The following ADAMTS19 variants were observed in gnomAD, a reference collection of about 807,000 sequenced individuals.
The protein encoded by ADAMTS19 is ADAM metallopeptidase with thrombospondin type 1 motif 19, also known as A disintegrin and metalloproteinase with thrombospondin motifs 19.
In ADAMTS19, 93 loss-of-function variants were observed where a neutral mutation model predicts 153.3. The ratio of observed to expected loss-of-function variants is 0.61; its 90% CI spans 0.51 to 0.72. The LOEUF (loss-of-function observed/expected upper bound fraction) is 0.72. ADAMTS19 is among the 30% of genes least tolerant of loss of function. The pLI is 0.00. For missense variants in ADAMTS19, 1,482 were observed against 1,552.1 expected (o/e 0.95, Z 0.76); for synonymous variants, 600 against 556.6 (o/e 1.08, Z -1.10).
At chr5:129,490,384 A>T (rs944865979) in intron 2 of ADAMTS19, among the ~76,000 whole-genome samples, 1 of 152,140 alleles carries the variant, frequency 6.6e-6, no homozygotes, top group African/African-American at 2.4e-5. Context: ...CCAATTTCCT[A>T]TGTGGCTTTT....
chr5:129,535,809 G>A (rs1207065698), intron 6 of ADAMTS19, among the ~76,000 whole-genome samples: 1 of 152,122 alleles, frequency 6.6e-6, no homozygotes, highest in Non-Finnish European at 1.5e-5. Context: ...CAAGCAATGG[G>A]GAAAGGATTC....
At position 129,647,944 on chromosome 5, in the gene ADAMTS19, T is replaced by G. The variant is rs755425974; in HGVS notation, c.2003+49T>G. On this transcript the variant is annotated intron_variant, in intron 12 of 22. Coordinates refer to ENST00000274487, the MANE Select transcript of ADAMTS19 (RefSeq NM_133638.6). Reference sequence around the variant, plus strand: ...GGGAGGGCACTTTTCAATTTTGGAATGCAAAGGTTTTACTGATAAAGCATG... The same window carrying G: ...GGGAGGGCACTTTTCAATTTTGGAAGGCAAAGGTTTTACTGATAAAGCATG... The G allele has an allele frequency of 1.9e-6, 3 of 1,578,652 alleles. No homozygotes were observed. The South Asian group carries it at 3.5e-5, about 18-fold the overall frequency.
intron 18 of ADAMTS19, among the ~76,000 whole-genome samples, chr5:129,685,404 T>C (rs751514513): frequency 1.6e-4 from 25 of 152,002 alleles, no homozygotes; most frequent in Non-Finnish European, 3.5e-4. Context: ...ACAATGCTCT[T>C]CTGTATGGCA....
intron 16 of ADAMTS19, among the ~76,000 whole-genome samples, chr5:129,677,036 A>T (rs1036985401): frequency 6.6e-6 from 1 of 152,262 alleles, no homozygotes; most frequent in Admixed American, 6.5e-5. Context: ...GGCCAAAAAG[A>T]TTCCTCAAAA....
rs62400985 is a variant in ADAMTS19 at position 129,717,647 on chromosome 5, G to C, written c.3312+13256G>C. ...GTGTCGTCTTGAATCCGTTTGGCTG[G>C]AATACCCACCATCAGGTTAGATAGC... On this transcript the variant is annotated intron_variant, in intron 21 of 22. Transcript: ENST00000274487. 1.5e-3 allele frequency among the ~76,000 whole-genome samples: 233 copies of C among 152,292 alleles called. 1 individual carries two copies. The highest frequency in any genetic ancestry group is 2.9e-3 in the Admixed American group (45 of 15,294).
At chr5:129,655,398 A>G (rs1177702792) in intron 14 of ADAMTS19, among the ~76,000 whole-genome samples, 1 of 152,254 alleles carries the variant, frequency 6.6e-6, no homozygotes, top group African/African-American at 2.4e-5. Flanking sequence ...TAAACCTTCC[A>G]GAAGCAGGAA....
chr5:129,620,840 A>C, intron 9 of ADAMTS19, 82 bp downstream of exon 9: 2 of 1,445,172 alleles, frequency 1.4e-6, no homozygotes, highest in Non-Finnish European at 1.9e-6. Flanking sequence ...CCAGTGTGGC[A>C]AAGTGGAAAG....
intron 21 of ADAMTS19, among the ~76,000 whole-genome samples, chr5:129,726,700 T>C (rs182051801): frequency 2.8e-4 from 42 of 152,212 alleles, no homozygotes; most frequent in African/African-American, 9.4e-4. Flanking sequence ...TAACATTATA[T>C]CTGGAATCAA....
chr5:129,531,357 G>A (rs915507756), intron 6 of ADAMTS19, among the ~76,000 whole-genome samples: 2 of 152,070 alleles, frequency 1.3e-5, no homozygotes, highest in African/African-American at 4.8e-5. Flanking sequence ...AGGTGTGGTG[G>A]CTCACACCTG....
chr5:129,596,385 T>C (rs898947668), intron 7 of ADAMTS19, among the ~76,000 whole-genome samples, 174 bp from the exon 8 acceptor site: 1 of 152,112 alleles, frequency 6.6e-6, no homozygotes, highest in Non-Finnish European at 1.5e-5. Flanking sequence ...TTTTTTTGCC[T>C]GGCCTATACA....
rs1158351034 is a variant in ADAMTS19, at chr5:129,550,437, T to C, written c.1329-1427T>C. On this transcript the variant is annotated intron_variant, in intron 6 of 22. Transcript: ENST00000274487. Reference sequence around the variant, plus strand: ...ATATACATATACATGTATCTGTATATGTATGTATCTAGATATACATATACA... The same window carrying C: ...ATATACATATACATGTATCTGTATACGTATGTATCTAGATATACATATACA... 4.7e-4 allele frequency among the ~76,000 whole-genome samples: 61 copies of C among 130,200 alleles called. 1 individual carries two copies. The highest frequency in any genetic ancestry group is 1.7e-3 in the African/African-American group (59 of 35,186). 85.4% of individuals were successfully genotyped at this position (130,200 alleles called of 152,430 possible). A position where few individuals can be genotyped will look rare whatever the true frequency, so the allele number is the denominator to read the frequency against.
At position 129,668,816 on chromosome 5, in the gene ADAMTS19, A is replaced by T. The variant is rs114419767; in HGVS notation, c.2506+3237A>T. ...ACAGCTATTTTTAAGTGTCAAGTTC[A>T]GTTAATTCAGTGGCATTAAGTACAT... On this transcript the variant is annotated intron_variant, in intron 16 of 22. Coordinates refer to ENST00000274487, the MANE Select transcript of ADAMTS19 (RefSeq NM_133638.6). Among the ~76,000 whole-genome samples the T allele has an allele frequency of 5.6e-3, 847 of 152,282 alleles. 7 individuals are homozygous for T. Among genetic ancestry groups the T allele is most frequent in the African/African-American group, 0.019 (808 of 41,566 alleles).
In ADAMTS19 at chr5:129,526,321, T is replaced by C. The variant is rs750780915; in HGVS notation, c.951T>C (p.Ser317=). 3 of 1,594,954 alleles carry C rather than the reference T, an allele frequency of 1.9e-6. No homozygotes were observed. The highest frequency in any genetic ancestry group is 2.6e-6 in the Non-Finnish European group (3 of 1,172,894). ...GRPRSRKIAE[S]GRGKRYSYKL... Reference sequence around the variant, plus strand: ...CTAGGTCTAGAAAAATAGCAGAAAGTGGAAGAGGGAAACGATATTCATACA... The same window carrying C: ...CTAGGTCTAGAAAAATAGCAGAAAGCGGAAGAGGGAAACGATATTCATACA... The change falls in exon 4 of 23, where the codon AGT becomes AGC. Residue 317 remains serine, a synonymous_variant. Transcript: ENST00000274487.
intron 11 of ADAMTS19, among the ~76,000 whole-genome samples, chr5:129,645,885 ATTTTTT>A (rs529444004): frequency 2.1e-5 from 2 of 97,100 alleles, no homozygotes; most frequent in East Asian, 3.5e-4. Flanking sequence ...TCCTTTTCCA[ATTTTTT>A]TTTTTTTTTT....
intron 2 of ADAMTS19, among the ~76,000 whole-genome samples, chr5:129,478,329 T>C (rs1750293304): frequency 1.3e-5 from 2 of 152,218 alleles, no homozygotes; most frequent in African/African-American, 2.4e-5. Context: ...TTGCACATGC[T>C]TATTTTATCT....
Position 129,668,477 on chromosome 5 carries a change from C to T in ADAMTS19, c.2506+2898C>T, listed in dbSNP as rs115792140. On this transcript the variant is annotated intron_variant, in intron 16 of 22. Coordinates refer to ENST00000274487, the MANE Select transcript of ADAMTS19 (RefSeq NM_133638.6). ...CTTTAAGGGCTCATTTCCTGATTTA[C>T]AGATGGCATCTTCTTGCTATGTCCT... Among the ~76,000 whole-genome samples the T allele has an allele frequency of 5.1e-3, 774 of 152,254 alleles. 5 individuals are homozygous for T. Among genetic ancestry groups the T allele is most frequent in the Non-Finnish European group, 8.1e-3 (549 of 68,008 alleles).
intron 8 of ADAMTS19, among the ~76,000 whole-genome samples, chr5:129,612,372 C>G (rs141265059): frequency 1.3e-5 from 2 of 151,926 alleles, no homozygotes; most frequent in African/African-American, 4.8e-5. Flanking sequence ...TCCAGTCTAT[C>G]GTTGTTGGAC....
chr5:129,648,153 AG>A (rs1453872830), intron 12 of ADAMTS19, among the ~76,000 whole-genome samples: 1 of 152,244 alleles, frequency 6.6e-6, no homozygotes, highest in Non-Finnish European at 1.5e-5. Context: ...TTCAATAAAC[AG>A]GAAGATGTGT....
rs74800971 is a variant in ADAMTS19 at position 129,636,366 on chromosome 5, TG to T, written c.1771-5492del. Among the ~76,000 whole-genome samples, 452 of 152,378 alleles carry T rather than the reference TG, an allele frequency of 3.0e-3. 4 individuals are homozygous for T. The highest frequency in any genetic ancestry group is 0.025 in the East Asian group (131 of 5,186). ...AAGGGGAATCTTTTTATCTTAATTC[TG>T]TATCATTTTCTTTAAAAATTTAAAA... On this transcript the variant is annotated intron_variant, in intron 10 of 22. Coordinates refer to ENST00000274487, the MANE Select transcript of ADAMTS19 (RefSeq NM_133638.6).
Sources: gnomAD v4.1 joint callset for allele counts (sites outside exome capture counted in the v4.1 genomes callset) on GRCh38, gnomAD v4.1.1 for gene constraint, MANE v1.5 for transcripts, NCBI Gene and HGNC (gene_info 2026-07-23, HGNC 2026-07-21) for gene names.